PARD3: variants seen among roughly 807,000 people sequenced by gnomAD.
PARD3 encodes partitioning defective 3 homolog.
Under a neutral mutation model 155.4 loss-of-function variants are expected in PARD3, and 75 were observed. The ratio of observed to expected loss-of-function variants is 0.48; its 90% CI spans 0.40 to 0.58. PARD3 has a LOEUF of 0.58. PARD3 is among the 20% of genes least tolerant of loss of function. The pLI, the probability that PARD3 is intolerant of heterozygous loss-of-function variation, is 0.00. For missense variants in PARD3, 1,642 were observed against 1,721.7 expected (o/e 0.95, Z 0.82); for synonymous variants, 576 against 610.5 (o/e 0.94, Z 0.83).
At chr10:34,697,558 G>A (rs555375644) in intron 1 of PARD3, among the ~76,000 whole-genome samples, 4 of 152,120 alleles carry the variant, frequency 2.6e-5, no homozygotes, top group African/African-American at 4.8e-5. Context: ...TCACTGAAAC[G>A]GAACACTTAT....
intron 1 of PARD3, among the ~76,000 whole-genome samples, chr10:34,763,535 T>C (rs1371477277): frequency 2.0e-5 from 3 of 152,032 alleles, no homozygotes; most frequent in Non-Finnish European, 2.9e-5. Flanking sequence ...AAAGAAAAAA[T>C]AGAGATGTTG....
At chr10:34,147,701 ATTTG>A (rs1201460882) in intron 22 of PARD3, among the ~76,000 whole-genome samples, 2 of 151,864 alleles carry the variant, frequency 1.3e-5, no homozygotes, top group African/African-American at 4.8e-5. Flanking sequence ...TTTTTAAAAT[ATTTG>A]TTTTTCTCTT....
chr10:34,342,733 G>T (rs937523678), intron 15 of PARD3, among the ~76,000 whole-genome samples: 3 of 152,082 alleles, frequency 2.0e-5, no homozygotes, highest in African/African-American at 7.2e-5. Context: ...CAGCAAAGGA[G>T]AAAAATTTAT....
At chr10:34,635,241 A>T (rs1445160396) in intron 2 of PARD3, among the ~76,000 whole-genome samples, 2 of 152,222 alleles carry the variant, frequency 1.3e-5, no homozygotes, top group African/African-American at 2.4e-5. Context: ...CGGTCTTCTG[A>T]TTCTATTTGC....
At chr10:34,267,535 A>G (rs1360663771) in intron 22 of PARD3, among the ~76,000 whole-genome samples, 3 of 151,880 alleles carry the variant, frequency 2.0e-5, no homozygotes, top group African/African-American at 7.3e-5. Context: ...CAAACCAAAT[A>G]CTCTGGCTAT....
chr10:34,234,565 G>T (rs1432384698), intron 22 of PARD3, among the ~76,000 whole-genome samples: 1 of 152,094 alleles, frequency 6.6e-6, no homozygotes, highest in East Asian at 1.9e-4. Flanking sequence ...TTCTCTGCAT[G>T]AATGACTTCT....
intron 12 of PARD3, among the ~76,000 whole-genome samples, chr10:34,367,454 C>G (rs1447614516): frequency 1.3e-5 from 2 of 151,764 alleles, no homozygotes; most frequent in Non-Finnish European, 2.9e-5. Flanking sequence ...GCCTGTAATC[C>G]CGGCACTTTG....
intron 24 of PARD3, among the ~76,000 whole-genome samples, chr10:34,113,820 A>G (rs933117908): frequency 1.6e-4 from 24 of 152,184 alleles, no homozygotes; most frequent in African/African-American, 5.5e-4. Flanking sequence ...AACAGGCATA[A>G]TCTCTAACCC....
At chr10:34,598,619 G>A (rs187204258) in intron 2 of PARD3, among the ~76,000 whole-genome samples, 9 of 152,196 alleles carry the variant, frequency 5.9e-5, no homozygotes, top group Non-Finnish European at 1.0e-4. Flanking sequence ...CTATTATTAC[G>A]CATGCTTCAT....
chr10:34,796,274 GGTC>G (rs1842236339), intron 1 of PARD3, among the ~76,000 whole-genome samples: 1 of 152,126 alleles, frequency 6.6e-6, no homozygotes, highest in Admixed American at 6.5e-5. Flanking sequence ...TTCCAGGCCA[GGTC>G]ATCATCTGCC....
At chr10:34,626,898 C>T (rs546710205) in intron 2 of PARD3, among the ~76,000 whole-genome samples, 24 of 152,282 alleles carry the variant, frequency 1.6e-4, no homozygotes, top group Middle Eastern at 3.4e-3. Context: ...TAAGCCCAGG[C>T]GATCGTGTTC....
At chr10:34,237,523 T>A (rs2133620110) in intron 22 of PARD3, among the ~76,000 whole-genome samples, 1 of 152,308 alleles carries the variant, frequency 6.6e-6, no homozygotes, top group South Asian at 2.1e-4. Flanking sequence ...TTAACAAGTT[T>A]AATTAAGGAT....
At chr10:34,475,349 T>C (rs2078639844) in intron 3 of PARD3, among the ~76,000 whole-genome samples, 1 of 152,214 alleles carries the variant, frequency 6.6e-6, no homozygotes, top group African/African-American at 2.4e-5. Flanking sequence ...TTCTGCATTC[T>C]CAGCTGCCAT....
chr10:34,471,624 G>A (rs1037842874), intron 3 of PARD3, among the ~76,000 whole-genome samples: 26 of 152,120 alleles, frequency 1.7e-4, no homozygotes, highest in African/African-American at 6.0e-4. Context: ...GCACAATCTC[G>A]GCTCACAGCA....
rs538637555 is a variant in PARD3, at chr10:34,272,847, A to G, written c.3177-2948T>C. 4.6e-5 allele frequency among the ~76,000 whole-genome samples: 7 copies of G among 152,338 alleles called. No homozygotes were observed. In the East Asian group the frequency reaches 7.7e-4, roughly 17 times the overall value. Reference sequence around the variant, plus strand: ...AAAGATGTTTCACTGAAGAGGACATATGGATGACAAGCATGTGAAAAGACG... The same window carrying G: ...AAAGATGTTTCACTGAAGAGGACATGTGGATGACAAGCATGTGAAAAGACG... On this transcript the variant is annotated intron_variant, in intron 21 of 24. Coordinates refer to ENST00000374788, the MANE Select transcript of PARD3 (RefSeq NM_001184785.2).
rs548699953 is a variant in PARD3, at chr10:34,403,822, T to C, written c.715-1905A>G. On this transcript the variant is annotated intron_variant, in intron 5 of 24. Transcript: ENST00000374788. ...CAAAATCATGCTTTTCCAATGGGAG[T>C]GGGTGCAGGAAGGAGAGCAAATGTG... is the stretch of plus-strand genomic sequence containing the variant. 2.0e-5 allele frequency among the ~76,000 whole-genome samples: 3 copies of C among 151,854 alleles called. No individual in the cohort carries two copies. The South Asian group carries it at 6.3e-4, about 32-fold the overall frequency.
chr10:34,635,465 G>A (rs914897589), intron 2 of PARD3, among the ~76,000 whole-genome samples: 2 of 152,178 alleles, frequency 1.3e-5, no homozygotes, highest in African/African-American at 4.8e-5. Context: ...GGACCACAGG[G>A]GTACGACAAT....
intron 2 of PARD3, among the ~76,000 whole-genome samples, chr10:34,630,774 C>A (rs1365842857): frequency 6.6e-6 from 1 of 151,526 alleles, no homozygotes; most frequent in Non-Finnish European, 1.5e-5. Flanking sequence ...CTAGGAGGAG[C>A]AAACACACAT....
chr10:34,781,670 A>C (rs2134171960), intron 1 of PARD3, among the ~76,000 whole-genome samples: 1 of 152,352 alleles, frequency 6.6e-6, no homozygotes, highest in South Asian at 2.1e-4. Context: ...TGGGAGGAAA[A>C]GTTGAGTGCA....
Sources: allele counts gnomAD v4.1 joint callset (sites outside exome capture counted in the v4.1 genomes callset), GRCh38; gene constraint gnomAD v4.1.1; transcripts MANE v1.5; gene names NCBI Gene and HGNC (gene_info 2026-07-23, HGNC 2026-07-21).